PLAC8L1: variants seen among roughly 807,000 people sequenced by gnomAD.
The protein encoded by PLAC8L1 is PLAC8 like 1, also known as PLAC8-like protein 1.
Under a neutral mutation model 16.3 loss-of-function variants are expected in PLAC8L1, and 13 were observed. The ratio of observed to expected loss-of-function variants is 0.80; its 90% CI spans 0.52 to 1.27. PLAC8L1 has a LOEUF of 1.27. PLAC8L1 is among the 50% of genes most tolerant of loss of function. The pLI is 0.00. For synonymous variants in PLAC8L1, 78 were observed against 79.3 expected (o/e 0.98, Z 0.09); for missense variants, 184 against 220.2 (o/e 0.84, Z 1.04).
At chr5:146,097,847 C>T (rs1237988522) in intron 2 of PLAC8L1, among the ~76,000 whole-genome samples, 1 of 152,124 alleles carries the variant, frequency 6.6e-6, no homozygotes, top group Non-Finnish European at 1.5e-5. Context: ...CTAAACCATC[C>T]CCCAGAAGAG....
intron 2 of PLAC8L1, among the ~76,000 whole-genome samples, chr5:146,096,240 G>T (rs1054843322): frequency 6.6e-6 from 1 of 152,112 alleles, no homozygotes; most frequent in Non-Finnish European, 1.5e-5. Flanking sequence ...CTTCTCCTTT[G>T]TGTGTCTGTG....
rs767495415 is a variant in PLAC8L1 at position 146,085,474 on chromosome 5, C to G, written c.380G>C (p.Arg127Thr). 6.8e-6 allele frequency: 11 copies of G among 1,613,922 alleles called. No individual in the cohort carries two copies. The highest frequency in any genetic ancestry group is 1.3e-5 in the African/African-American group (1 of 74,882). ...TFALRIGTRERHKIQGTLCED... is the reference protein window; with the variant it reads ...TFALRIGTRETHKIQGTLCED... ...AAACACACTTACCTGTATTTTATGT[C>G]TCTCCCTGGTGCCAATTCTCAGTGC... Residue 127 changes from arginine (R) to threonine (T), a missense_variant, in exon 3 of 4, where the codon AGA becomes ACA. Physicochemically the swap from Arg to Thr is moderately conservative, Grantham distance 71. Transcript: ENST00000311450.
At chr5:146,101,196 CAAAAAAAAAAAAAAA>C (rs35143616) in intron 1 of PLAC8L1, among the ~76,000 whole-genome samples, 1 of 82,178 alleles carries the variant, frequency 1.2e-5, no homozygotes, top group Non-Finnish European at 2.3e-5. Flanking sequence ...GACCCTGTCT[CAAAAAAAAAAAAAAA>C]AAAAAAAAAT....
At chr5:146,094,192 C>G (rs1473080148) in intron 2 of PLAC8L1, among the ~76,000 whole-genome samples, 3 of 152,164 alleles carry the variant, frequency 2.0e-5, no homozygotes, top group African/African-American at 7.2e-5. Flanking sequence ...AAGAGATTCT[C>G]CTGCCTCAGC....
intron 2 of PLAC8L1, among the ~76,000 whole-genome samples, chr5:146,086,088 G>C (rs1324439300): frequency 7.3e-6 from 1 of 137,874 alleles, no homozygotes; most frequent in Non-Finnish European, 1.5e-5. Flanking sequence ...GGAGTGCAGT[G>C]GCGGGATCTC....
At chr5:146,087,238 G>A (rs770637938) in intron 2 of PLAC8L1, among the ~76,000 whole-genome samples, 3 of 152,118 alleles carry the variant, frequency 2.0e-5, no homozygotes, top group Non-Finnish European at 2.9e-5. Context: ...TCCATTGTAT[G>A]AATATTCCAC....
At chr5:146,102,478 G>A (rs1013990067) in intron 1 of PLAC8L1, among the ~76,000 whole-genome samples, 1 of 152,304 alleles carries the variant, frequency 6.6e-6, no homozygotes, top group African/African-American at 2.4e-5. Flanking sequence ...GATCTCAGTA[G>A]TTCATTAACA....
chr5:146,090,270 A>T (rs1183145770), intron 2 of PLAC8L1, among the ~76,000 whole-genome samples: 5 of 151,968 alleles, frequency 3.3e-5, no homozygotes, highest in Non-Finnish European at 7.4e-5. Flanking sequence ...ACAGTGGCTC[A>T]TGCCTGTAAT....
chr5:146,092,178 T>C (rs34530601), intron 2 of PLAC8L1, among the ~76,000 whole-genome samples: 34,371 of 152,148 alleles, frequency 0.23, 4,906 homozygotes, highest in Admixed American at 0.34. Flanking sequence ...CAGCAAGGCA[T>C]ATTTCAGATC....
chr5:146,097,054 G>A (rs183030761), intron 2 of PLAC8L1, among the ~76,000 whole-genome samples: 1 of 152,294 alleles, frequency 6.6e-6, no homozygotes, highest in East Asian at 1.9e-4. Flanking sequence ...CCCAGGGTCT[G>A]TTGGATTTGG....
chr5:146,092,534 G>GTTT (rs1561783507), intron 2 of PLAC8L1, among the ~76,000 whole-genome samples: 7 of 132,706 alleles, frequency 5.3e-5, no homozygotes, highest in African/African-American at 1.9e-4. Flanking sequence ...AATCTTTGCA[G>GTTT]ATTTTTTTTT....
chr5:146,100,802 T>A (rs538515529), intron 1 of PLAC8L1, among the ~76,000 whole-genome samples: 1 of 152,260 alleles, frequency 6.6e-6, no homozygotes, highest in East Asian at 1.9e-4. Flanking sequence ...AACGCATATA[T>A]GTTGAAGTTC....
At chr5:146,085,695 G>C (rs1763499273) in intron 2 of PLAC8L1, 98 bp from the exon 3 acceptor site, 1 of 1,293,566 alleles carries the variant, frequency 7.7e-7, no homozygotes, top group Admixed American at 2.3e-5. Flanking sequence ...CCAGTTTAAT[G>C]CTGCACTGTC....
chr5:146,087,813 TG>T (rs1763541664), intron 2 of PLAC8L1, among the ~76,000 whole-genome samples: 1 of 152,198 alleles, frequency 6.6e-6, no homozygotes, highest in African/African-American at 2.4e-5. Context: ...CTTCTGCTTC[TG>T]GGGAGGCCTC....
At chr5:146,089,422 C>T (rs934697210) in intron 2 of PLAC8L1, among the ~76,000 whole-genome samples, 1 of 152,160 alleles carries the variant, frequency 6.6e-6, no homozygotes, top group Non-Finnish European at 1.5e-5. Flanking sequence ...CACTTATTAA[C>T]TCATTTAATC....
chr5:146,085,974 G>A (rs933518729), intron 2 of PLAC8L1, among the ~76,000 whole-genome samples: 1 of 149,396 alleles, frequency 6.7e-6, no homozygotes, highest in African/African-American at 2.5e-5. Flanking sequence ...ATGGTATACA[G>A]GATATTTTTG....
intron 1 of PLAC8L1, among the ~76,000 whole-genome samples, chr5:146,101,680 G>GT (rs1177191574): frequency 3.9e-5 from 6 of 152,174 alleles, no homozygotes; most frequent in African/African-American, 1.2e-4. Flanking sequence ...ACAAATTTAT[G>GT]TGAACTTTAC....
At chr5:146,093,653 C>T (rs1212374239) in intron 2 of PLAC8L1, among the ~76,000 whole-genome samples, 7 of 152,194 alleles carry the variant, frequency 4.6e-5, no homozygotes, top group Non-Finnish European at 8.8e-5. Context: ...GGTCTAAATG[C>T]TCTGCTGGGC....
intron 1 of PLAC8L1, chr5:146,099,367 T>C (rs770534877): frequency 6.6e-6 from 1 of 152,254 alleles, no homozygotes; most frequent in Non-Finnish European, 1.5e-5. Flanking sequence ...TTTCTTCCTA[T>C]AACAGTTGCT....
Sources: allele counts gnomAD v4.1 joint callset (sites outside exome capture counted in the v4.1 genomes callset), GRCh38; gene constraint gnomAD v4.1.1; transcripts MANE v1.5; gene names NCBI Gene and HGNC (gene_info 2026-07-23, HGNC 2026-07-21).